KDM1A: variants seen among roughly 807,000 people sequenced by gnomAD.
KDM1A encodes lysine demethylase 1A.
Under a neutral mutation model 109.4 loss-of-function variants are expected in KDM1A, and 49 were observed. The observed-to-expected ratio is 0.45, with a 90% CI of 0.36 to 0.57. KDM1A has a LOEUF of 0.57. KDM1A is among the 20% of genes least tolerant of loss of function. The pLI, the probability that KDM1A is intolerant of heterozygous loss-of-function variation, is 0.00. For missense variants in KDM1A, 668 were observed against 1,116.6 expected (o/e 0.60, Z 5.73); for synonymous variants, 380 against 415.4 (o/e 0.91, Z 1.04).
At position 23,060,447 on chromosome 1, in the gene KDM1A, A is replaced by G. The variant is rs370630227; in HGVS notation, c.1167+1280A>G. ...GTATTTTAAAGCAGATCACAAACAT[A>G]TCATCCATAAATATATTAATACCAG... On this transcript the variant is annotated intron_variant, in intron 9 of 20. Coordinates refer to ENST00000400181, the MANE Select transcript of KDM1A (RefSeq NM_001009999.3). Among the ~76,000 whole-genome samples the G allele has an allele frequency of 7.9e-5, 12 of 152,300 alleles. No homozygotes were observed. The East Asian group carries it at 2.3e-3, about 29-fold the overall frequency.
chr1:23,019,638 T>C lies in KDM1A; in HGVS notation c.42T>C (p.Ala14=), dbSNP rs1641546698. ...AGGCGGCAGCCGCGGCGGCGGCGGC[T>C]GCAGCGGCAGCAACCGGGACGGAGG... The part of the protein sequence containing the change: ...GKKAAAAAAA[A]AAAATGTEAG... Residue 14 remains alanine (A), a synonymous_variant, in exon 1 of 21, where the codon GCT becomes GCC. Transcript: ENST00000400181. The C allele has an allele frequency of 7.1e-7, 1 of 1,414,678 alleles. No homozygotes were observed. The highest frequency in any genetic ancestry group is 2.9e-5 in the East Asian group (1 of 34,092). The allele number at this position is 1,414,678 out of a possible 1,614,324, so 87.6% of individuals were successfully genotyped here. A position where few individuals can be genotyped will look rare whatever the true frequency, so the allele number is the denominator to read the frequency against.
In KDM1A at chr1:23,019,879, A is replaced by G. The variant is rs200773378; in HGVS notation, c.283A>G (p.Thr95Ala). The change falls in exon 1 of 21, where the codon ACC (threonine) becomes GCC (alanine). Residue 95 changes from threonine to alanine, a missense_variant. Coordinates refer to ENST00000400181, the MANE Select transcript of KDM1A (RefSeq NM_001009999.3). ...CCCTACTGTCGTGCCTGGGTCTGCG[A>G]CCCCCATGGAAACTGGAATAGCAGA... ...AGPTVVPGSA[T>A]PMETGIAETP... 353 of 1,556,548 alleles carry G rather than the reference A, an allele frequency of 2.3e-4. 1 individual carries two copies. The highest frequency in any genetic ancestry group is 2.8e-4 in the Non-Finnish European group (323 of 1,154,760).
intron 20 of KDM1A, 153 bp from the exon 21 acceptor site, chr1:23,083,026 C>A: frequency 1.5e-6 from 1 of 645,858 alleles, no homozygotes; most frequent in Non-Finnish European, 2.7e-6. Flanking sequence ...AAAGTGCCTA[C>A]TGATAAGGGA....
chr1:23,082,121 C>A, intron 19 of KDM1A, 99 bp from the exon 20 acceptor site: 1 of 1,316,056 alleles, frequency 7.6e-7, no homozygotes, highest in Non-Finnish European at 1.1e-6. Context: ...CCCTCTTTCT[C>A]TTCACTTGCA....
chr1:23,082,937 G>A, intron 20 of KDM1A: 1 of 395,784 alleles, frequency 2.5e-6, no homozygotes, highest in East Asian at 4.1e-5. Context: ...CTAAACTGAT[G>A]AGAACACATG....
intron 20 of KDM1A, chr1:23,082,861 A>G (rs1340741623): frequency 4.2e-6 from 1 of 239,376 alleles, no homozygotes; most frequent in Non-Finnish European, 8.3e-6. Flanking sequence ...CCTGTGCTTC[A>G]GGGTAGCGAG....
chr1:23,044,066 A>G (rs1642432603), intron 2 of KDM1A, among the ~76,000 whole-genome samples: 2 of 152,188 alleles, frequency 1.3e-5, no homozygotes, highest in Non-Finnish European at 1.5e-5. Flanking sequence ...TCTAGAGTCT[A>G]TGTCAGCTCC....
At chr1:23,047,382 A>C (rs942724254) in intron 3 of KDM1A, among the ~76,000 whole-genome samples, 22 of 152,188 alleles carry the variant, frequency 1.4e-4, no homozygotes, top group Non-Finnish European at 8.8e-5. Flanking sequence ...GAGAATAGCT[A>C]GTTTTCTTAG....
rs1642922702 is a variant in KDM1A, at chr1:23,059,060, A to C, written c.1073-13A>C. ...TAGGTCTATTGAATTTAATTGCTTG[A>C]GTTTTTTTCTAGGAGGGAATCCTAT... On this transcript the variant is annotated splice_polypyrimidine_tract_variant and intron_variant, in intron 8 of 20. Coordinates refer to ENST00000400181, the MANE Select transcript of KDM1A (RefSeq NM_001009999.3). 6.3e-7 allele frequency: 1 copy of C among 1,578,034 alleles called. No individual in the cohort carries two copies. Among genetic ancestry groups the C allele is most frequent in the African/African-American group, 1.4e-5 (1 of 73,312 alleles).
rs745886321 is a variant in KDM1A at position 23,073,348 on chromosome 1, T to G, written c.1679T>G (p.Leu560Arg). The G allele has an allele frequency of 2.5e-6, 4 of 1,612,966 alleles. No homozygotes were observed. The highest frequency in any genetic ancestry group is 2.5e-6 in the Non-Finnish European group (3 of 1,179,212). ...RQILDWHFAN[L>R]EFANATPLST... ...ATACTTGATTGGCATTTTGCAAATC[T>G]TGAATTTGCTAATGCCACACCTCTC... Residue 560 changes from leucine to arginine, a missense_variant, in exon 15 of 21, where the codon CTT (leucine) becomes CGT (arginine). By Grantham distance (102) the Leu-to-Arg change is moderately radical. This residue lies in a region of KDM1A where 162 missense variants were observed against 376.4 expected (regional missense o/e 0.43). Coordinates refer to ENST00000400181, the MANE Select transcript of KDM1A (RefSeq NM_001009999.3).
chr1:23,075,005 T>C (rs2124528302), intron 15 of KDM1A, among the ~76,000 whole-genome samples: 1 of 152,380 alleles, frequency 6.6e-6, no homozygotes, highest in East Asian at 1.9e-4. Context: ...AATCAACTTG[T>C]CAATTTCTAC....
At chr1:23,047,033 T>A (rs1642521171) in intron 3 of KDM1A, among the ~76,000 whole-genome samples, 1 of 152,220 alleles carries the variant, frequency 6.6e-6, no homozygotes, top group South Asian at 2.1e-4. Flanking sequence ...ACTTTTAGGA[T>A]GTTATTAAAA....
chr1:23,032,239 T>A (rs1642005944), intron 2 of KDM1A, among the ~76,000 whole-genome samples: 1 of 152,144 alleles, frequency 6.6e-6, no homozygotes, highest in African/African-American at 2.4e-5. Context: ...CTGCCTCACC[T>A]TTTTTGTGTG....
intron 4 of KDM1A, among the ~76,000 whole-genome samples, chr1:23,053,523 C>T (rs1425475052): frequency 2.6e-5 from 4 of 151,992 alleles, no homozygotes; most frequent in East Asian, 1.9e-4. Context: ...GTAGCTGGGA[C>T]TACAGGCATG....
At chr1:23,069,917 C>T (rs1643269634) in intron 12 of KDM1A, among the ~76,000 whole-genome samples, 1 of 151,588 alleles carries the variant, frequency 6.6e-6, no homozygotes, top group African/African-American at 2.4e-5. Flanking sequence ...CTGGAGGGGG[C>T]CTTTATAGTG....
chr1:23,077,195 G>A (rs1339745950), intron 15 of KDM1A, 33 bp from the exon 16 acceptor site: 1 of 1,599,436 alleles, frequency 6.3e-7, no homozygotes. Flanking sequence ...ATTAATAAAA[G>A]GTTGGAAATA....
intron 2 of KDM1A, among the ~76,000 whole-genome samples, chr1:23,038,191 G>A (rs146611567): frequency 6.6e-6 from 1 of 151,994 alleles, no homozygotes; most frequent in Non-Finnish European, 1.5e-5. Context: ...AGTGTTTGTG[G>A]TGGGCCATTT....
At chr1:23,051,804 G>A (rs1276762427) in intron 4 of KDM1A, among the ~76,000 whole-genome samples, 1 of 152,150 alleles carries the variant, frequency 6.6e-6, no homozygotes. Flanking sequence ...GCCACCACCA[G>A]CTTCTTTGTT....
chr1:23,036,444 G>GCC (rs5773033), intron 2 of KDM1A, among the ~76,000 whole-genome samples: 43 of 121,684 alleles, frequency 3.5e-4, no homozygotes, highest in African/African-American at 7.8e-4. Context: ...TTCTTGCCAC[G>GCC]CCCCCCCCCT....
Sources: gnomAD v4.1 joint callset for allele counts (sites outside exome capture counted in the v4.1 genomes callset) on GRCh38, gnomAD v4.1.1 for gene constraint, gnomAD v4.1.1 regional missense constraint, MANE v1.5 for transcripts, NCBI Gene and HGNC (gene_info 2026-07-23, HGNC 2026-07-21) for gene names.